Variants in DNAH11 observed in about 807,000 individuals in gnomAD.
DNAH11 encodes axonemal beta dynein heavy chain 11.
DNAH11 carries 442 observed loss-of-function variants against 526.0 expected under a neutral mutation model. The observed-to-expected ratio is 0.84, with a 90% CI of 0.78 to 0.91. The LOEUF is 0.91. Ranked by LOEUF, DNAH11 falls within the 40% of genes least tolerant of loss-of-function variation. DNAH11 has a pLI of 0.00. For missense variants in DNAH11, 6,989 were observed against 5,448.7 expected, an observed-to-expected ratio of 1.28 and a Z score of -8.90; for synonymous variants, 2,461 against 1,935.9, an observed-to-expected ratio of 1.27 and a Z score of -7.12.
chr7:21,822,537 A>G (rs1374095600), intron 65 of DNAH11, among the ~76,000 whole-genome samples: 6 of 152,178 alleles, frequency 3.9e-5, no homozygotes, highest in Non-Finnish European at 7.4e-5. Flanking sequence ...CCATTGTTGG[A>G]CACTCAAAAG....
intron 57 of DNAH11, 82 bp from the exon 58 acceptor site, chr7:21,784,345 A>G: frequency 9.8e-7 from 1 of 1,024,174 alleles, no homozygotes. Context: ...TTAACAGTGC[A>G]TCTGAGTCAA....
chr7:21,712,385 G>A (rs954491143), intron 42 of DNAH11, among the ~76,000 whole-genome samples: 9 of 152,084 alleles, frequency 5.9e-5, no homozygotes, highest in Non-Finnish European at 1.3e-4. Flanking sequence ...CCATTCTTTC[G>A]GGTAGAACTC....
At chr7:21,726,284 A>G (rs1393782616) in intron 45 of DNAH11, among the ~76,000 whole-genome samples, 1 of 152,088 alleles carries the variant, frequency 6.6e-6, no homozygotes, top group Non-Finnish European at 1.5e-5. Flanking sequence ...TTAGAATAGT[A>G]CCAAGATGGA....
Position 21,598,594 on chromosome 7 carries a change from TAA to T in DNAH11, c.2668-1191_2668-1190del, listed in dbSNP as rs1267976512. ...ATCATAGATGGTATGCAAAAATAAA[TAA>T]ATAAATAAATAAATAAATAAATAAA... On this transcript the variant is annotated intron_variant, in intron 14 of 81. Coordinates refer to ENST00000409508, the MANE Select transcript of DNAH11 (RefSeq NM_001277115.2). Among the ~76,000 whole-genome samples, 29 of 61,518 alleles carry T rather than the reference TAA, an allele frequency of 4.7e-4. No individual in the cohort carries two copies. The East Asian group carries it at 0.09, about 190-fold the overall frequency. 40.4% of individuals were successfully genotyped at this position (61,518 alleles called of 152,430 possible). A position where few individuals can be genotyped will look rare whatever the true frequency, so the allele number is the denominator to read the frequency against.
Position 21,724,911 on chromosome 7 carries a change from A to C in DNAH11, c.7267-900A>C, listed in dbSNP as rs80324644. ...GGCCAGATTATCCTATGGATATAGG[A>C]GTCACTGGGCCAGATCATCCTGTGG... On this transcript the variant is annotated intron_variant, in intron 44 of 81. Transcript: ENST00000409508. Among the ~76,000 whole-genome samples, 11 of 114,724 alleles carry C rather than the reference A, an allele frequency of 9.6e-5. No individual in the cohort carries two copies. In the East Asian group the frequency reaches 1.3e-3, roughly 13 times the overall value. The allele number at this position is 114,724 out of a possible 152,430, so 75.3% of individuals were successfully genotyped here.
At chr7:21,663,820 C>T (rs541572008) in intron 30 of DNAH11, among the ~76,000 whole-genome samples, 20 of 148,270 alleles carry the variant, frequency 1.3e-4, no homozygotes, top group Admixed American at 1.0e-3. Context: ...TTGCTTTATT[C>T]GTCCATTGAT....
intron 54 of DNAH11, among the ~76,000 whole-genome samples, chr7:21,757,791 A>G (rs1323734125): frequency 3.3e-5 from 5 of 152,230 alleles, no homozygotes. Context: ...TATGCAAGCA[A>G]CAGATTAACA....
At chr7:21,635,795 G>T in intron 25 of DNAH11, 76 bp from the exon 26 acceptor site, 1 of 1,217,636 alleles carries the variant, frequency 8.2e-7, no homozygotes, top group South Asian at 1.6e-5. Context: ...AAACAGAGTA[G>T]ATATAGTGCC....
At chr7:21,793,286 T>C (rs1369846872) in intron 61 of DNAH11, among the ~76,000 whole-genome samples, 1 of 152,204 alleles carries the variant, frequency 6.6e-6, no homozygotes, top group Non-Finnish European at 1.5e-5. Flanking sequence ...TGGCCTAATA[T>C]GTGGTCAGTT....
chr7:21,726,776 G>A (rs1450099957), intron 45 of DNAH11, among the ~76,000 whole-genome samples: 15 of 141,320 alleles, frequency 1.1e-4, no homozygotes, highest in Admixed American at 4.3e-4. Context: ...CAGGAGAGTC[G>A]CTTGAACCTG....
chr7:21,594,350 A>G (rs1277818677), intron 14 of DNAH11, among the ~76,000 whole-genome samples: 1 of 152,120 alleles, frequency 6.6e-6, no homozygotes, highest in Admixed American at 6.6e-5. Context: ...ATTTATTGTG[A>G]GCATTGTGTG....
chr7:21,755,767 G>A (rs893991066), intron 54 of DNAH11, among the ~76,000 whole-genome samples: 1 of 152,034 alleles, frequency 6.6e-6, no homozygotes, highest in South Asian at 2.1e-4. Context: ...TGATTAGAAG[G>A]CTCCCATAGG....
In DNAH11 at chr7:21,591,350, G is replaced by A. The variant is rs529566924; in HGVS notation, c.2440G>A (p.Glu814Lys). 1.2e-5 allele frequency: 20 copies of A among 1,613,758 alleles called. No homozygotes were observed. The highest frequency in any genetic ancestry group is 2.2e-5 in the East Asian group (1 of 44,856). ...TWQDDCWGYI[E>K]RVRAATSELE... ...GCAGGATGACTGCTGGGGCTACATC[G>A]AGAGGGTGAGGGCAGCCACGTCCGA... Residue 814 changes from glutamate to lysine, a missense_variant, in exon 14 of 82, where the codon GAG (glutamate) becomes AAG (lysine). Glu to Lys is a moderately conservative substitution (Grantham distance 56). Transcript: ENST00000409508.
chr7:21,558,048 A>G (rs1457758339), intron 2 of DNAH11, among the ~76,000 whole-genome samples: 1 of 152,228 alleles, frequency 6.6e-6, no homozygotes, highest in Non-Finnish European at 1.5e-5. Context: ...ACTAAACTCT[A>G]AAAAGGTAGA....
At chr7:21,833,346 A>T (rs1781861050) in intron 65 of DNAH11, among the ~76,000 whole-genome samples, 1 of 152,022 alleles carries the variant, frequency 6.6e-6, no homozygotes, top group African/African-American at 2.4e-5. Context: ...TTTCTCTAAG[A>T]CTCTCCACAA....
intron 45 of DNAH11, among the ~76,000 whole-genome samples, chr7:21,733,031 G>A (rs1785446363): frequency 6.6e-6 from 1 of 152,162 alleles, no homozygotes; most frequent in South Asian, 2.1e-4. Flanking sequence ...TTCCCGTGGA[G>A]CACGTGGCTA....
At chr7:21,632,440 G>C (rs1422758636) in intron 25 of DNAH11, among the ~76,000 whole-genome samples, 1 of 152,094 alleles carries the variant, frequency 6.6e-6, no homozygotes, top group African/African-American at 2.4e-5. Context: ...CTGAACTTCT[G>C]TGGTCTGCTT....
chr7:21,596,041 A>C (rs1031109540), intron 14 of DNAH11, among the ~76,000 whole-genome samples: 1 of 152,262 alleles, frequency 6.6e-6, no homozygotes, highest in East Asian at 1.9e-4. Flanking sequence ...GATATGGAGA[A>C]GAAAATAAAA....
chr7:21,784,688 C>T lies in DNAH11; in HGVS notation c.9597+148C>T, dbSNP rs6965795. Reference sequence around the variant, plus strand: ...CACCCATGAAATATTAAAGTTGAAACAAACCATTGAGGTCATCATTATAGT... The same window carrying T: ...CACCCATGAAATATTAAAGTTGAAATAAACCATTGAGGTCATCATTATAGT... On this transcript the variant is annotated intron_variant, in intron 58 of 81. Transcript: ENST00000409508. The T allele has an allele frequency of 0.14, 79,798 of 577,302 alleles. 6,010 individuals carry two copies. The highest frequency in any genetic ancestry group is 0.21 in the African/African-American group (11,152 of 53,360). The allele number at this position is 577,302 out of a possible 1,614,324, so 35.8% of individuals were successfully genotyped here. A position where few individuals can be genotyped will look rare whatever the true frequency, so the allele number is the denominator to read the frequency against.
Sources: gnomAD v4.1 joint callset for allele counts (sites outside exome capture counted in the v4.1 genomes callset) on GRCh38, gnomAD v4.1.1 for gene constraint, MANE v1.5 for transcripts, NCBI Gene and HGNC (gene_info 2026-07-23, HGNC 2026-07-21) for gene names.